Variants in POU6F2 observed in about 807,000 individuals in gnomAD.
POU6F2 encodes the protein POU domain, class 6, transcription factor 2.
In POU6F2, 31 loss-of-function variants were observed where a neutral mutation model predicts 71.3. The observed-to-expected ratio is 0.43, with a 90% CI of 0.33 to 0.59. The LOEUF (loss-of-function observed/expected upper bound fraction) is 0.59. Among genes scored for constraint, POU6F2 ranks in the 20% least tolerant of loss-of-function variants. The probability of loss-of-function intolerance (pLI) is 0.04; values close to 1 mark genes in which losing one functional copy is unlikely to be tolerated. For synonymous variants in POU6F2, 347 were observed against 355.7 expected, an observed-to-expected ratio of 0.98 and a Z score of 0.27; for missense variants, 783 against 856.8, an observed-to-expected ratio of 0.91 and a Z score of 1.07.
intron 1 of POU6F2, among the ~76,000 whole-genome samples, chr7:39,057,426 A>G (rs1021253660): frequency 6.6e-6 from 1 of 151,658 alleles, no homozygotes; most frequent in South Asian, 2.1e-4. Context: ...ATTTCTTTTT[A>G]TGTCTTTTGT....
intron 2 of POU6F2, among the ~76,000 whole-genome samples, chr7:39,108,136 G>A (rs183506140): frequency 3.9e-5 from 6 of 152,326 alleles, no homozygotes; most frequent in African/African-American, 9.6e-5. Flanking sequence ...TCTGTAAGAT[G>A]AGGGCGACCA....
At chr7:39,073,300 T>C (rs991696041) in intron 1 of POU6F2, among the ~76,000 whole-genome samples, 111 of 151,966 alleles carry the variant, frequency 7.3e-4, no homozygotes, top group African/African-American at 2.6e-3. Context: ...TGTTTATAGT[T>C]TGAATTGGAA....
chr7:39,204,437 G>T, intron 3 of POU6F2, 111 bp downstream of exon 3: 1 of 824,534 alleles, frequency 1.2e-6, no homozygotes, highest in Non-Finnish European at 1.8e-6. Context: ...ACAGAGCAAA[G>T]ATGGTAATAA....
At chr7:39,025,506 C>T (rs899262112) in intron 1 of POU6F2, among the ~76,000 whole-genome samples, 3 of 152,026 alleles carry the variant, frequency 2.0e-5, no homozygotes, top group Non-Finnish European at 2.9e-5. Context: ...GGAAAGGATT[C>T]CCTATTTAAT....
At chr7:39,152,934 G>A (rs528984162) in intron 2 of POU6F2, among the ~76,000 whole-genome samples, 45 of 152,274 alleles carry the variant, frequency 3.0e-4, no homozygotes, top group Non-Finnish European at 5.7e-4. Flanking sequence ...AATCCAGGGT[G>A]CCGAGTTAAG....
chr7:39,417,141 T>C (rs750425767), intron 6 of POU6F2, among the ~76,000 whole-genome samples: 1 of 152,218 alleles, frequency 6.6e-6, no homozygotes, highest in Non-Finnish European at 1.5e-5. Flanking sequence ...ATAGTTAAGA[T>C]GAGCATTATC....
rs114407127 is a variant in POU6F2, at chr7:39,040,900, C to A, written c.106-44960C>A. On this transcript the variant is annotated intron_variant, in intron 1 of 9. Transcript: ENST00000518318. ...AAACTCACACAAACGCATACACTTT[C>A]GCATACTTACATACTCAAACACATA... 3.0e-3 allele frequency among the ~76,000 whole-genome samples: 458 copies of A among 151,990 alleles called. 4 individuals are homozygous for A. The highest frequency in any genetic ancestry group is 0.027 in the Middle Eastern group (8 of 294).
intron 4 of POU6F2, among the ~76,000 whole-genome samples, chr7:39,337,959 C>T (rs1376304615): frequency 6.6e-6 from 1 of 152,192 alleles, no homozygotes; most frequent in African/African-American, 2.4e-5. Context: ...ACCCGTCTGC[C>T]AACATCTATC....
chr7:39,132,654 A>G (rs1219993939), intron 2 of POU6F2: 1 of 152,228 alleles, frequency 6.6e-6, no homozygotes, highest in Admixed American at 6.5e-5. Flanking sequence ...ATAGAATTAA[A>G]CACTGCTGTT....
intron 5 of POU6F2, among the ~76,000 whole-genome samples, chr7:39,404,341 A>T (rs1787370745): frequency 6.6e-6 from 1 of 152,240 alleles, no homozygotes; most frequent in Non-Finnish European, 1.5e-5. Flanking sequence ...CTAGTGTCCT[A>T]AATGTAGGAA....
intron 4 of POU6F2, among the ~76,000 whole-genome samples, chr7:39,328,295 A>G (rs1785560243): frequency 6.6e-6 from 1 of 152,250 alleles, no homozygotes; most frequent in Admixed American, 6.5e-5. Flanking sequence ...ATAGGATGAA[A>G]CATGCAGGAT....
At chr7:38,988,266 A>G (rs1357915091) in intron 1 of POU6F2, among the ~76,000 whole-genome samples, 2 of 152,032 alleles carry the variant, frequency 1.3e-5, no homozygotes, top group African/African-American at 4.8e-5. Flanking sequence ...AAACCTTTAA[A>G]AATCTACTGA....
chr7:39,455,415 A>G (rs2116140026), intron 8 of POU6F2, among the ~76,000 whole-genome samples: 1 of 152,308 alleles, frequency 6.6e-6, no homozygotes, highest in African/African-American at 2.4e-5. Flanking sequence ...AGGTCACCAT[A>G]TTGCAAAAAT....
chr7:39,084,647 TATTG>T (rs1436592410), intron 1 of POU6F2, among the ~76,000 whole-genome samples: 1 of 152,178 alleles, frequency 6.6e-6, no homozygotes, highest in Non-Finnish European at 1.5e-5. Flanking sequence ...AAACTATTTG[TATTG>T]ATTAACATTT....
At chr7:39,441,633 C>T (rs181562760) in intron 7 of POU6F2, among the ~76,000 whole-genome samples, 8 of 152,178 alleles carry the variant, frequency 5.3e-5, no homozygotes, top group African/African-American at 9.6e-5. Flanking sequence ...AGGAAGTGGA[C>T]GAGCATCAAA....
Position 39,050,839 on chromosome 7 carries a change from G to A in POU6F2, c.106-35021G>A, listed in dbSNP as rs577089990. Among the ~76,000 whole-genome samples the A allele has an allele frequency of 1.4e-4, 22 of 152,254 alleles. No homozygotes were observed. The East Asian group carries it at 4.1e-3, about 28-fold the overall frequency. ...TGCCATGGATTTCCACAGTTCTCAT[G>A]AAAATTTGATAGTTTTTCTTTAATA... On this transcript the variant is annotated intron_variant, in intron 1 of 9. Coordinates refer to ENST00000518318, the MANE Select transcript of POU6F2 (RefSeq NM_001370959.1).
rs143417623 is a variant in POU6F2, at chr7:39,257,556, A to G, written c.598+49936A>G. Among the ~76,000 whole-genome samples, 1,146 of 152,266 alleles carry G rather than the reference A, an allele frequency of 7.5e-3. 8 individuals carry two copies. Among genetic ancestry groups the G allele is most frequent in the Admixed American group, 0.012 (187 of 15,300 alleles). Reference sequence around the variant, plus strand: ...GGATTATACACCCACAAACCAGCTCAGGGTGGGTGTCAAAGGCACAAACTC... The same window carrying G: ...GGATTATACACCCACAAACCAGCTCGGGGTGGGTGTCAAAGGCACAAACTC... On this transcript the variant is annotated intron_variant, in intron 4 of 9. Transcript: ENST00000518318.
chr7:39,027,544 A>G (rs1789839994), intron 1 of POU6F2, among the ~76,000 whole-genome samples: 1 of 152,182 alleles, frequency 6.6e-6, no homozygotes, highest in Non-Finnish European at 1.5e-5. Context: ...TCCAATTCCA[A>G]TCAGAGCAGC....
In POU6F2 at chr7:39,082,528, A is replaced by G. The variant is rs531414483; in HGVS notation, c.106-3332A>G. Among the ~76,000 whole-genome samples the G allele has an allele frequency of 5.9e-5, 9 of 152,244 alleles. No individual in the cohort carries two copies. In the East Asian group the frequency reaches 1.7e-3, roughly 29 times the overall value. On this transcript the variant is annotated intron_variant, in intron 1 of 9. Coordinates refer to ENST00000518318, the MANE Select transcript of POU6F2 (RefSeq NM_001370959.1). ...GAAGTTGCAGGTCTCTTACATTTCT[A>G]CAAGCACCTACGTAGATGCATGTTG...
Sources: allele counts gnomAD v4.1 joint callset (sites outside exome capture counted in the v4.1 genomes callset), GRCh38; gene constraint gnomAD v4.1.1; transcripts MANE v1.5; gene names NCBI Gene and HGNC (gene_info 2026-07-23, HGNC 2026-07-21).